The following LRP12 variants were observed in gnomAD, a reference collection of about 807,000 sequenced individuals.
The protein encoded by LRP12 is low-density lipoprotein receptor-related protein 12.
LRP12 carries 14 observed loss-of-function variants against 66.0 expected under a neutral mutation model. The observed-to-expected ratio is 0.21, with a 90% CI of 0.14 to 0.33. The LOEUF (loss-of-function observed/expected upper bound fraction) is 0.33, where lower values mean the gene tolerates loss of function less well. Ranked by LOEUF, LRP12 falls within the 10% of genes least tolerant of loss-of-function variation. The pLI is 1.00. For missense variants in LRP12, 889 were observed against 1,053.4 expected (o/e 0.84, Z 2.16); for synonymous variants, 357 against 359.1 (o/e 0.99, Z 0.07).
intron 3 of LRP12, chr8:104,504,208 T>G (rs1294619290): frequency 6.6e-6 from 1 of 152,114 alleles, no homozygotes; most frequent in Non-Finnish European, 1.5e-5. Flanking sequence ...AAATTTTGTT[T>G]ATAACTACAG....
intron 1 of LRP12, among the ~76,000 whole-genome samples, chr8:104,565,449 C>G (rs1811982799): frequency 1.3e-5 from 2 of 152,122 alleles, no homozygotes; most frequent in Admixed American, 1.3e-4. Context: ...GATAAAATAA[C>G]ATACACAGAA....
At chr8:104,501,561 G>A (rs1195014714) in intron 3 of LRP12, among the ~76,000 whole-genome samples, 1 of 151,986 alleles carries the variant, frequency 6.6e-6, no homozygotes, top group African/African-American at 2.4e-5. Flanking sequence ...AAAATTAGCT[G>A]GGTGTGGTGG....
At chr8:104,495,438 C>A (rs761319793) in intron 5 of LRP12, 3 of 405,044 alleles carry the variant, frequency 7.4e-6, no homozygotes, top group Non-Finnish European at 1.3e-5. Flanking sequence ...AAGCCTAGAT[C>A]ACTGAGTTTT....
At chr8:104,551,115 C>T (rs1194972069) in intron 1 of LRP12, among the ~76,000 whole-genome samples, 1 of 152,088 alleles carries the variant, frequency 6.6e-6, no homozygotes, top group African/African-American at 2.4e-5. Context: ...GGATTCAGCA[C>T]TACTAAAATA....
chr8:104,588,056 C>T (rs1287217089), intron 1 of LRP12, among the ~76,000 whole-genome samples: 2 of 152,216 alleles, frequency 1.3e-5, no homozygotes, highest in Non-Finnish European at 2.9e-5. Flanking sequence ...CTTCTCTTAA[C>T]CCGAAAGGAG....
At chr8:104,566,372 G>T in intron 1 of LRP12, 1 of 261,126 alleles carries the variant, frequency 3.8e-6, no homozygotes, top group South Asian at 6.4e-5. Context: ...ATGACGCAGT[G>T]AAAACCATGG....
At chr8:104,564,660 G>A (rs11989225) in intron 1 of LRP12, among the ~76,000 whole-genome samples, 3,631 of 152,136 alleles carry the variant, frequency 0.024, 108 homozygotes, top group African/African-American at 0.065. Context: ...GCTGGGTGCA[G>A]TGGCTCACAC....
At chr8:104,508,267 T>C (rs1810938268) in intron 3 of LRP12, 1 of 152,216 alleles carries the variant, frequency 6.6e-6, no homozygotes, top group South Asian at 2.1e-4. Flanking sequence ...TTTACAATCT[T>C]ATTCCCGTAC....
chr8:104,528,178 C>T (rs563334370), intron 2 of LRP12, among the ~76,000 whole-genome samples: 1 of 152,276 alleles, frequency 6.6e-6, no homozygotes, highest in African/African-American at 2.4e-5. Context: ...CATCAATATA[C>T]TTTCCAAAGT....
intron 1 of LRP12, among the ~76,000 whole-genome samples, chr8:104,544,605 T>C (rs1811528712): frequency 6.6e-6 from 1 of 152,150 alleles, no homozygotes; most frequent in Non-Finnish European, 1.5e-5. Context: ...CCAAAAATCC[T>C]AGGGCCCTTA....
At chr8:104,582,222 A>G (rs1269723127) in intron 1 of LRP12, among the ~76,000 whole-genome samples, 1 of 152,222 alleles carries the variant, frequency 6.6e-6, no homozygotes, top group African/African-American at 2.4e-5. Context: ...ATGACAAAAC[A>G]TGAGCATAAA....
At chr8:104,511,884 A>G (rs1811004182) in intron 2 of LRP12, among the ~76,000 whole-genome samples, 1 of 151,924 alleles carries the variant, frequency 6.6e-6, no homozygotes, top group Non-Finnish European at 1.5e-5. Context: ...TTGCCAAGGC[A>G]TAGTCAAAGC....
intron 6 of LRP12, among the ~76,000 whole-genome samples, chr8:104,494,849 A>C (rs1055839165): frequency 6.6e-6 from 1 of 152,208 alleles, no homozygotes; most frequent in Non-Finnish European, 1.5e-5. Context: ...AAATTATCCT[A>C]AACAGTAAAA....
chr8:104,529,424 T>C (rs966565196), intron 2 of LRP12, among the ~76,000 whole-genome samples: 2 of 152,168 alleles, frequency 1.3e-5, no homozygotes, highest in Non-Finnish European at 2.9e-5. Flanking sequence ...TAAATGTGTA[T>C]CTGAAATTCA....
At chr8:104,568,065 C>A (rs1812031500) in intron 1 of LRP12, among the ~76,000 whole-genome samples, 1 of 152,112 alleles carries the variant, frequency 6.6e-6, no homozygotes, top group Non-Finnish European at 1.5e-5. Context: ...GTGGTACTAG[C>A]ATAGGGATAG....
chr8:104,562,215 T>C (rs1811921844), intron 1 of LRP12, among the ~76,000 whole-genome samples: 1 of 152,164 alleles, frequency 6.6e-6, no homozygotes, highest in Admixed American at 6.5e-5. Flanking sequence ...AATGAGTTCA[T>C]ACATATGTAA....
chr8:104,491,192 C>A lies in LRP12; in HGVS notation c.2061G>T (p.Ala687=), dbSNP rs368129639. Residue 687 remains alanine, a synonymous_variant, in exon 7 of 7, where the codon GCG becomes GCT. Coordinates refer to ENST00000276654, the MANE Select transcript of LRP12 (RefSeq NM_013437.5). ...QKVPPTTAVE[A]TVGACASSST... Reference sequence around the variant, plus strand: ...AGGAACTTGCACATGCTCCTACTGTCGCTTCTACTGCCGTTGTGGGAGGGA... The same window carrying A: ...AGGAACTTGCACATGCTCCTACTGTAGCTTCTACTGCCGTTGTGGGAGGGA... The A allele has an allele frequency of 2.5e-6, 4 of 1,613,988 alleles. No homozygotes were observed. The South Asian group carries it at 4.4e-5, about 18-fold the overall frequency.
In LRP12 at chr8:104,497,279, C is replaced by T. The variant is rs749751779; in HGVS notation, c.1273G>A (p.Val425Ile). Residue 425 changes from valine (V) to isoleucine (I), a missense_variant, in exon 5 of 7, where the codon GTC becomes ATC. This residue lies in a region of LRP12 where 800 missense variants were observed against 964.5 expected (regional missense o/e 0.83). Transcript: ENST00000276654. This position sits in a 1 kb window ranked among gnomAD's most constrained non-coding sequence, Gnocchi z 4.3. ...KEEFPCSRNG[V>I]CYPRSDRCNY... ...CAGCGATCAGAACGAGGATAACAGA[C>T]ACCATTTCGGGAACATGGAAATTCT... is the stretch of plus-strand genomic sequence containing the variant. 3 of 1,614,180 alleles carry T rather than the reference C, an allele frequency of 1.9e-6. No individual in the cohort carries two copies. The East Asian group carries it at 6.7e-5, about 36-fold the overall frequency.
chr8:104,588,907 A>G lies in LRP12; in HGVS notation c.-10T>C, dbSNP rs1812381413. 5 of 1,598,028 alleles carry G rather than the reference A, an allele frequency of 3.1e-6. No individual in the cohort carries two copies. In the African/African-American group the frequency reaches 5.4e-5, roughly 17 times the overall value. The stretch of plus-strand genomic sequence containing the variant: ...TCCAGCGACAGGCCATAACCACAGC[A>G]GATGGAGAGAGAGAGGAGGAGACGG... On this transcript the variant is annotated 5_prime_UTR_variant, in exon 1 of 7. Transcript: ENST00000276654.
Sources: allele counts gnomAD v4.1 joint callset (sites outside exome capture counted in the v4.1 genomes callset), GRCh38; gene constraint gnomAD v4.1.1; regional missense constraint gnomAD v4.1.1; non-coding constraint Gnocchi (gnomAD v3.1); transcripts MANE v1.5; gene names NCBI Gene and HGNC (gene_info 2026-07-23, HGNC 2026-07-21).